Variants in TYK2 observed in about 807,000 individuals in gnomAD.
TYK2 encodes the protein non-receptor tyrosine-protein kinase TYK2.
TYK2 carries 65 observed loss-of-function variants against 130.9 expected under a neutral mutation model. The observed-to-expected ratio is 0.50, with a 90% confidence interval of 0.41 to 0.61. The LOEUF is 0.61. Ranked by LOEUF, TYK2 falls within the 20% of genes least tolerant of loss-of-function variation. TYK2 has a pLI of 0.00. For synonymous variants in TYK2, 647 were observed against 658.9 expected, an observed-to-expected ratio of 0.98 and a Z score of 0.28; for missense variants, 1,378 against 1,610.7, an observed-to-expected ratio of 0.86 and a Z score of 2.47.
intron 3 of TYK2, among the ~76,000 whole-genome samples, chr19:10,375,026 G>A (rs546999506): frequency 6.6e-6 from 1 of 152,220 alleles, no homozygotes; most frequent in African/African-American, 2.4e-5. Context: ...AAATTATCCG[G>A]GTGTGGTGAC....
At chr19:10,357,481 C>T (rs368168123) in intron 17 of TYK2, 1 of 704,114 alleles carries the variant, frequency 1.4e-6, no homozygotes, top group Non-Finnish European at 2.6e-6. Flanking sequence ...TTCTTCCCCA[C>T]TCTGCAGCCT....
chr19:10,365,587 T>C lies in TYK2; in HGVS notation c.941A>G (p.His314Arg). ...GPESAAGPPT[H>R]EVLVTGTGGI... ...ACCAGTGCCTGTCACCAGCACCTCG[T>C]GGGTTGGGGGCCCAGCAGCAGACTC... Residue 314 changes from histidine (H) to arginine (R), a missense_variant, in exon 7 of 25, where the codon CAC becomes CGC. By Grantham distance (29) the His-to-Arg change is conservative. Transcript: ENST00000525621. The C allele has an allele frequency of 1.2e-6, 2 of 1,614,046 alleles. No individual in the cohort carries two copies. The highest frequency in any genetic ancestry group is 1.7e-6 in the Non-Finnish European group (2 of 1,180,000).
intron 3 of TYK2, chr19:10,369,656 A>G: frequency 2.3e-6 from 1 of 439,768 alleles, no homozygotes; most frequent in South Asian, 1.6e-5. Context: ...CCACCTTCAA[A>G]TGCAAACCTC....
rs1037259076 is a variant in TYK2 at position 10,362,530 on chromosome 19, C to G, written c.1476+19G>C. Reference sequence around the variant, plus strand: ...GGAACGTGTCCAGCCCCAGCCCCAGCCCCCAGCCCTGGGCTCACCTGGCTA... The same window carrying G: ...GGAACGTGTCCAGCCCCAGCCCCAGGCCCCAGCCCTGGGCTCACCTGGCTA... On this transcript the variant is annotated intron_variant, in intron 10 of 24. Coordinates refer to ENST00000525621, the MANE Select transcript of TYK2 (RefSeq NM_003331.5). The G allele has an allele frequency of 6.4e-7, 1 of 1,555,374 alleles. No homozygotes were observed. The highest frequency in any genetic ancestry group is 8.7e-7 in the Non-Finnish European group (1 of 1,149,184).
In TYK2 at chr19:10,352,639, G is replaced by A. The variant is rs1007474949; in HGVS notation, c.3201-88C>T. 5.9e-5 allele frequency: 45 copies of A among 767,402 alleles called. No individual in the cohort carries two copies. The Admixed American group carries it at 7.2e-4, about 12-fold the overall frequency. 47.5% of individuals were successfully genotyped at this position (767,402 alleles called of 1,614,324 possible). On this transcript the variant is annotated intron_variant, in intron 22 of 24. Transcript: ENST00000525621. ...GCTGAAGCCCTCACCTGAGACTGAAGGACCCTCTGGGCTCAGTTGGGACCC... is the reference window on the plus strand; with the variant it reads ...GCTGAAGCCCTCACCTGAGACTGAAAGACCCTCTGGGCTCAGTTGGGACCC...
At chr19:10,359,424 T>A in intron 14 of TYK2, 122 bp from the exon 15 acceptor site, 1 of 1,226,734 alleles carries the variant, frequency 8.2e-7, no homozygotes, top group Non-Finnish European at 1.2e-6. Flanking sequence ...GGCAGAGGTG[T>A]GGGTGGAGTT....
intron 5 of TYK2, among the ~76,000 whole-genome samples, chr19:10,367,748 G>A (rs1005201861): frequency 1.1e-4 from 17 of 151,408 alleles, no homozygotes; most frequent in South Asian, 4.2e-4. Flanking sequence ...GTGAAACCCC[G>A]TCTCCACTAA....
chr19:10,377,444 A>C (rs1792045509), intron 3 of TYK2, among the ~76,000 whole-genome samples: 1 of 126,236 alleles, frequency 7.9e-6, no homozygotes, highest in Admixed American at 8.1e-5. Context: ...GGATGGATAG[A>C]TGGATGAATG....
Position 10,361,405 on chromosome 19 carries a change from A to C in TYK2, c.2047+106T>G. The C allele has an allele frequency of 9.1e-7, 1 of 1,093,408 alleles. No individual in the cohort carries two copies. The highest frequency in any genetic ancestry group is 1.3e-5 in the South Asian group (1 of 74,830). 67.7% of individuals were successfully genotyped at this position (1,093,408 alleles called of 1,614,324 possible). ...AGAGTACAGGTGAGAGTTGAGAAATAGGCATAGGTTGGGGTGTAGGTCGAG... is the reference window on the plus strand; with the variant it reads ...AGAGTACAGGTGAGAGTTGAGAAATCGGCATAGGTTGGGGTGTAGGTCGAG... On this transcript the variant is annotated intron_variant, in intron 14 of 24. Transcript: ENST00000525621. The surrounding 1 kb of genome is among the most constrained non-coding windows in gnomAD (Gnocchi z 4.0).
In TYK2 at chr19:10,353,919, C is replaced by A; in HGVS notation, c.2908+123G>T. ...ACGCTCACCCAGATGCCAAGAACCG[C>A]GTACTGCAGCCTGGGGTTGAGAGTC... On this transcript the variant is annotated intron_variant, in intron 20 of 24. Coordinates refer to ENST00000525621, the MANE Select transcript of TYK2 (RefSeq NM_003331.5). The surrounding 1 kb of genome is among the most constrained non-coding windows in gnomAD (Gnocchi z 6.9). The A allele has an allele frequency of 9.3e-7, 1 of 1,081,052 alleles. No homozygotes were observed. The highest frequency in any genetic ancestry group is 1.3e-5 in the South Asian group (1 of 74,912). The allele number at this position is 1,081,052 out of a possible 1,614,324, so 67.0% of individuals were successfully genotyped here. A position where few individuals can be genotyped will look rare whatever the true frequency, so the allele number is the denominator to read the frequency against.
chr19:10,354,659 A>G, intron 18 of TYK2, 50 bp from the exon 19 acceptor site: 1 of 1,501,724 alleles, frequency 6.7e-7, no homozygotes, highest in Non-Finnish European at 9.3e-7. Context: ...TTTCCCCAGC[A>G]GGCCCACACT....
At chr19:10,367,944 T>A in intron 5 of TYK2, 111 bp downstream of exon 5, 11 of 1,205,470 alleles carry the variant, frequency 9.1e-6, no homozygotes, top group Non-Finnish European at 1.3e-5. Flanking sequence ...GATCCCCAGA[T>A]AGCATGAGTT....
Position 10,364,881 on chromosome 19 carries a change from G to A in TYK2, c.1179C>T (p.Val393=). ...ACTTGTTGTCCTGCCGGTGGATGCT[G>A]ACACAGTGCTCTTTCAGCACCACGT... ...ITHVVLKEHC[V]SIHRQDNKCL... is the part of the protein sequence containing the mutation. The change falls in exon 8 of 25, where the codon GTC becomes GTT. Residue 393 remains valine (V), a synonymous_variant. Transcript: ENST00000525621. The surrounding 1 kb of genome is among the most constrained non-coding windows in gnomAD (Gnocchi z 4.9). The A allele has an allele frequency of 1.2e-6, 2 of 1,614,180 alleles. No homozygotes were observed. The highest frequency in any genetic ancestry group is 1.7e-6 in the Non-Finnish European group (2 of 1,180,052).
chr19:10,362,024 C>T, intron 12 of TYK2, 54 bp downstream of exon 12: 1 of 1,612,810 alleles, frequency 6.2e-7, no homozygotes, highest in Non-Finnish European at 8.5e-7. Flanking sequence ...GGGCCCCCAG[C>T]ACCCACATCC....
chr19:10,372,724 C>G (rs1221139827), intron 3 of TYK2, among the ~76,000 whole-genome samples: 1 of 151,166 alleles, frequency 6.6e-6, no homozygotes, highest in Non-Finnish European at 1.5e-5. Context: ...CTCCTGGGCT[C>G]AAGTGATCCT....
intron 3 of TYK2, chr19:10,368,735 AT>A: frequency 2.7e-6 from 1 of 376,916 alleles, no homozygotes; most frequent in South Asian, 2.3e-5. Flanking sequence ...CCGAGGTATG[AT>A]GAAGGCTTCT....
chr19:10,363,372 AC>A (rs2041503889), intron 9 of TYK2, among the ~76,000 whole-genome samples: 1 of 151,566 alleles, frequency 6.6e-6, no homozygotes, highest in Admixed American at 6.6e-5. Flanking sequence ...TAGTTAAAAG[AC>A]CTTGCTACAT....
Position 10,361,484 on chromosome 19 carries a change from G to A in TYK2, c.2047+27C>T, listed in dbSNP as rs143978290. ...TAAGTCAGGGGTGGCCTGCCAAAGG[G>A]GGATGGGTATGGCGGGACCCACTCA... On this transcript the variant is annotated intron_variant, in intron 14 of 24. Transcript: ENST00000525621. This position sits in a 1 kb window ranked among gnomAD's most constrained non-coding sequence, Gnocchi z 4.0. The A allele has an allele frequency of 0.021, 32,416 of 1,545,872 alleles. 448 individuals carry two copies. The highest frequency in any genetic ancestry group is 0.026 in the Non-Finnish European group (29,325 of 1,146,480).
At chr19:10,351,435 C>T (rs1015886010) in intron 23 of TYK2, 17 of 386,948 alleles carry the variant, frequency 4.4e-5, no homozygotes, top group Non-Finnish European at 8.0e-5. Flanking sequence ...TGCAGTGAGC[C>T]GAGATTGTGC....
Sources: gnomAD v4.1 joint callset for allele counts (sites outside exome capture counted in the v4.1 genomes callset) on GRCh38, gnomAD v4.1.1 for gene constraint, Gnocchi (gnomAD v3.1) non-coding constraint, MANE v1.5 for transcripts, NCBI Gene and HGNC (gene_info 2026-07-23, HGNC 2026-07-21) for gene names.